Variants in PCLO observed in about 807,000 individuals in gnomAD.
PCLO encodes protein piccolo.
Under a neutral mutation model 427.5 loss-of-function variants are expected in PCLO, and 82 were observed. That is an observed-to-expected ratio of 0.19 (90% CI 0.16 to 0.23). The LOEUF (loss-of-function observed/expected upper bound fraction) is 0.23, where lower values mean the gene tolerates loss of function less well. PCLO is among the 10% of genes least tolerant of loss of function. The pLI is 1.00. For missense variants in PCLO, 6,239 were observed against 6,115.9 expected (o/e 1.02, Z -0.67); for synonymous variants, 2,357 against 2,155.4 (o/e 1.09, Z -2.59).
chr7:82,860,807 A>T (rs1189581183), intron 10 of PCLO, among the ~76,000 whole-genome samples: 1 of 152,092 alleles, frequency 6.6e-6, no homozygotes, highest in Non-Finnish European at 1.5e-5. Flanking sequence ...AAAGTTAAAA[A>T]GTGGGGGGAT....
chr7:82,867,067 A>G (rs1267396245), intron 10 of PCLO, among the ~76,000 whole-genome samples: 1 of 152,182 alleles, frequency 6.6e-6, no homozygotes, highest in East Asian at 1.9e-4. Context: ...GAATACATAT[A>G]TCAAAATTAA....
chr7:82,989,742 C>G (rs1194531334), intron 3 of PCLO, among the ~76,000 whole-genome samples: 4 of 152,048 alleles, frequency 2.6e-5, no homozygotes, highest in African/African-American at 9.7e-5. Context: ...TCAACTGATA[C>G]ATTTCTCTTG....
At chr7:82,981,991 G>C (rs920828598) in intron 3 of PCLO, among the ~76,000 whole-genome samples, 63 of 152,142 alleles carry the variant, frequency 4.1e-4, no homozygotes, top group African/African-American at 1.4e-3. Flanking sequence ...TGGAAACATT[G>C]GTTAAAAGTA....
rs1168654833 is a variant in PCLO at position 82,966,197 on chromosome 7, CTCT to C, written c.3588_3590del (p.Glu1197del). 1 of 1,607,782 alleles carries C rather than the reference CTCT, an allele frequency of 6.2e-7. No individual in the cohort carries two copies. The highest frequency in any genetic ancestry group is 8.5e-7 in the Non-Finnish European group (1 of 1,178,120). On this transcript the variant is annotated inframe_deletion, in exon 4 of 25. Coordinates refer to ENST00000333891, the MANE Select transcript of PCLO (RefSeq NM_033026.6). The stretch of plus-strand genomic sequence containing the variant: ...AAGCTTTGTCTTTCTCTAGTTTACT[CTCT>C]TCTTGTTTTTGATCTGTGGTTACCA...
chr7:82,983,514 A>T (rs1796193665), intron 3 of PCLO, among the ~76,000 whole-genome samples: 1 of 150,728 alleles, frequency 6.6e-6, no homozygotes. Context: ...TATAAATGTT[A>T]ACATTTTATT....
intron 22 of PCLO, among the ~76,000 whole-genome samples, chr7:82,777,618 G>A (rs1790782581): frequency 6.6e-6 from 1 of 151,978 alleles, no homozygotes; most frequent in South Asian, 2.1e-4. Context: ...TCTGATCTTT[G>A]GCAATGCTGA....
chr7:82,908,997 A>G lies in PCLO; in HGVS notation c.13317T>C (p.Arg4439=), dbSNP rs571052254. ...GTTTATCAAACCAATCTGTTTCCTC[A>G]CGACGCAGATGATAGGCTTTGGACA... ...MSDSEAYHLR[R]EETDWFDKPR... The change falls in exon 8 of 25, where the codon CGT becomes CGC. Residue 4439 remains arginine (R), a synonymous_variant. Transcript: ENST00000333891. The G allele has an allele frequency of 1.2e-6, 2 of 1,612,648 alleles. No individual in the cohort carries two copies. Among genetic ancestry groups the G allele is most frequent in the Non-Finnish European group, 1.7e-6 (2 of 1,179,134 alleles).
At chr7:82,936,065 AACAGTAGAC>A (rs1217759883) in intron 6 of PCLO, among the ~76,000 whole-genome samples, 4 of 151,716 alleles carry the variant, frequency 2.6e-5, no homozygotes, top group Non-Finnish European at 5.9e-5. Context: ...CAACACTGTA[AACAGTAGAC>A]CTCGTAGATA....
rs568442686 is a variant in PCLO, at chr7:83,020,255, C to T, written c.3301-53768G>A. 3.9e-5 allele frequency among the ~76,000 whole-genome samples: 6 copies of T among 152,180 alleles called. No homozygotes were observed. In the South Asian group the frequency reaches 1.2e-3, roughly 32 times the overall value. ...AAAAACTAGTTTTGTGTTGTTGATG[C>T]ATGCTGTTACATTCCATCTTTCATG... On this transcript the variant is annotated intron_variant, in intron 3 of 24. Transcript: ENST00000333891.
At chr7:83,158,841 A>T (rs912470472) in intron 1 of PCLO, among the ~76,000 whole-genome samples, 1 of 152,178 alleles carries the variant, frequency 6.6e-6, no homozygotes, top group East Asian at 1.9e-4. Flanking sequence ...CTATGTAAAT[A>T]AAAGTAAAAC....
rs753305792 is a variant in PCLO, at chr7:82,914,983, C to A, written c.13003G>T (p.Ala4335Ser). The change falls in exon 7 of 25, where the codon GCC (alanine) becomes TCC (serine). Residue 4335 changes from alanine to serine, a missense_variant. Physicochemically the swap from Ala to Ser is moderately conservative, Grantham distance 99. This residue lies in a region of PCLO where 680 missense variants were observed against 677.3 expected (regional missense o/e 1.00). Transcript: ENST00000333891. ...DVSFSHASSS[A>S]RTKPTSLPIS... ...GGCAAACTGGTCGGCTTAGTTCTGG[C>A]AGAGGATGATGCATGACTAAAGGAA... The A allele has an allele frequency of 1.2e-6, 2 of 1,613,686 alleles. No homozygotes were observed. Among genetic ancestry groups the A allele is most frequent in the South Asian group, 2.2e-5 (2 of 91,082 alleles).
intron 3 of PCLO, among the ~76,000 whole-genome samples, chr7:83,050,548 C>A (rs1789226079): frequency 1.3e-5 from 2 of 151,680 alleles, no homozygotes; most frequent in Non-Finnish European, 2.9e-5. Flanking sequence ...AAAATGTTAG[C>A]AAATCAAATC....
chr7:83,094,419 G>T (rs1418504397), intron 3 of PCLO, among the ~76,000 whole-genome samples: 1 of 151,980 alleles, frequency 6.6e-6, no homozygotes, highest in Admixed American at 6.6e-5. Flanking sequence ...ATGTTGGCCA[G>T]GATGGTCTCG....
intron 20 of PCLO, chr7:82,820,719 A>C (rs2715148): frequency 0.52 from 640,937 of 1,229,950 alleles, 171,114 homozygotes; most frequent in East Asian, 0.87. Flanking sequence ...TAATAGGCAA[A>C]AAACACTGAT....
chr7:82,824,696 A>G (rs889617310), intron 18 of PCLO, among the ~76,000 whole-genome samples: 2 of 151,458 alleles, frequency 1.3e-5, no homozygotes, highest in Admixed American at 1.3e-4. Context: ...AGATAGGGTC[A>G]CAAGTCAATC....
In PCLO at chr7:83,162,636, C is replaced by T. The variant is rs547203954; in HGVS notation, c.-44G>A. 1.2e-5 allele frequency: 18 copies of T among 1,490,696 alleles called. No individual in the cohort carries two copies. The East Asian group carries it at 3.5e-4, about 29-fold the overall frequency. The allele number at this position is 1,490,696 out of a possible 1,614,324, so 92.3% of individuals were successfully genotyped here. A position where few individuals can be genotyped will look rare whatever the true frequency, so the allele number is the denominator to read the frequency against. ...GCCGCCGCGCTCCCTCCTCGCGCCG[C>T]GTCCCAGTCGAGAAGCCCGCGGCCA... On this transcript the variant is annotated 5_prime_UTR_variant, in exon 1 of 25. Transcript: ENST00000333891.
intron 20 of PCLO, among the ~76,000 whole-genome samples, chr7:82,814,905 G>A (rs1351949250): frequency 6.6e-6 from 1 of 151,970 alleles, no homozygotes; most frequent in African/African-American, 2.4e-5. Context: ...TGGAAATGAA[G>A]TACTGTGAAA....
intron 3 of PCLO, among the ~76,000 whole-genome samples, chr7:83,006,125 A>G (rs1189959221): frequency 1.3e-5 from 2 of 151,676 alleles, no homozygotes; most frequent in Non-Finnish European, 3.0e-5. Context: ...GTTTAAGACA[A>G]TAACAGCACC....
At chr7:83,047,253 G>A (rs979779891) in intron 3 of PCLO, among the ~76,000 whole-genome samples, 7 of 151,962 alleles carry the variant, frequency 4.6e-5, no homozygotes, top group African/African-American at 1.7e-4. Flanking sequence ...AAGTACTTAT[G>A]AGAGAATTGC....
Sources: allele counts gnomAD v4.1 joint callset (sites outside exome capture counted in the v4.1 genomes callset), GRCh38; gene constraint gnomAD v4.1.1; regional missense constraint gnomAD v4.1.1; transcripts MANE v1.5; gene names NCBI Gene and HGNC (gene_info 2026-07-23, HGNC 2026-07-21).